The following RAB43 variants were observed in gnomAD, a reference collection of about 807,000 sequenced individuals.
The protein encoded by RAB43 is ras-related protein Rab-43.
Under a neutral mutation model 18.8 loss-of-function variants are expected in RAB43, and 6 were observed. The observed-to-expected ratio is 0.32, with a 90% CI of 0.17 to 0.63. The LOEUF is 0.63. RAB43 is among the 30% of genes least tolerant of loss of function. The pLI is 0.79. For missense variants in RAB43, 195 were observed against 289.1 expected (o/e 0.67, Z 2.36); for synonymous variants, 103 against 124.1 (o/e 0.83, Z 1.13).
In RAB43 at chr3:129,121,588, C is replaced by T. The variant is rs1055733878; in HGVS notation, c.-99G>A. 2.8e-4 allele frequency: 279 copies of T among 1,014,256 alleles called. No individual in the cohort carries two copies. Among genetic ancestry groups the T allele is most frequent in the Non-Finnish European group, 3.6e-4 (261 of 723,790 alleles). The allele number at this position is 1,014,256 out of a possible 1,614,324, so 62.8% of individuals were successfully genotyped here. ...GCTCCGCCCGCTCCAGCCCACGGGC[C>T]GCCTGGCTACGTGGAGCCGCCGCAA... On this transcript the variant is annotated 5_prime_UTR_variant, in exon 1 of 3. Transcript: ENST00000315150.
At chr3:129,118,988 T>A (rs190827090) in intron 1 of RAB43, among the ~76,000 whole-genome samples, 1 of 152,324 alleles carries the variant, frequency 6.6e-6, no homozygotes, top group Non-Finnish European at 1.5e-5. Flanking sequence ...TGAAAGGAAC[T>A]GACTACAGAA....
chr3:129,120,822 C>A lies in RAB43; in HGVS notation c.204+464G>T, dbSNP rs149563859. Among the ~76,000 whole-genome samples, 4 of 152,282 alleles carry A rather than the reference C, an allele frequency of 2.6e-5. No individual in the cohort carries two copies. The East Asian group carries it at 7.7e-4, about 29-fold the overall frequency. Reference sequence around the variant, plus strand: ...GTCCTAAAAGCAACTACTTCCTGATCGCTCCTAGTCCTGGGGTGGGGATGC... The same window carrying A: ...GTCCTAAAAGCAACTACTTCCTGATAGCTCCTAGTCCTGGGGTGGGGATGC... On this transcript the variant is annotated intron_variant, in intron 1 of 2. Coordinates refer to ENST00000315150, the MANE Select transcript of RAB43 (RefSeq NM_198490.3).
intron 1 of RAB43, among the ~76,000 whole-genome samples, chr3:129,109,130 G>A (rs937202466): frequency 3.2e-4 from 49 of 152,252 alleles, no homozygotes; most frequent in African/African-American, 1.1e-3. Flanking sequence ...GTGTCATTTG[G>A]CTGGGTGCGG....
chr3:129,121,028 T>C (rs899860939), intron 1 of RAB43, among the ~76,000 whole-genome samples: 1 of 147,704 alleles, frequency 6.8e-6, no homozygotes, highest in Non-Finnish European at 1.5e-5. Context: ...TCCTAGGGTG[T>C]GAGCTCCGGA....
rs1463255061 is a variant in RAB43, at chr3:129,088,207, CT to C, written c.*2888del. On this transcript the variant is annotated 3_prime_UTR_variant, in exon 3 of 3. Transcript: ENST00000315150. The stretch of plus-strand genomic sequence containing the variant: ...GTGGGATACAGCAGGGCAGGAGCCC[CT>C]GCAACCCCAGGTACAGGTCTTGAGT... 6.7e-6 allele frequency: 1 copy of C among 149,950 alleles called. No homozygotes were observed. Among genetic ancestry groups the C allele is most frequent in the African/African-American group, 2.4e-5 (1 of 40,836 alleles). 9.3% of individuals were successfully genotyped at this position (149,950 alleles called of 1,614,324 possible).
chr3:129,099,665 C>T (rs965922320), intron 1 of RAB43, among the ~76,000 whole-genome samples: 1 of 152,162 alleles, frequency 6.6e-6, no homozygotes, highest in Non-Finnish European at 1.5e-5. Context: ...GGATTACAGG[C>T]GTGAGCCACT....
intron 1 of RAB43, among the ~76,000 whole-genome samples, chr3:129,105,487 CAA>C (rs930128771): frequency 6.8e-6 from 1 of 147,880 alleles, no homozygotes; most frequent in Admixed American, 6.7e-5. Context: ...CAAAACAAAA[CAA>C]AAAAAACAGG....
intron 1 of RAB43, among the ~76,000 whole-genome samples, chr3:129,104,165 C>A (rs1934606262): frequency 6.6e-6 from 1 of 152,198 alleles, no homozygotes; most frequent in Admixed American, 6.5e-5. Flanking sequence ...GCTGAGCGAG[C>A]TGTACATTGT....
In RAB43 at chr3:129,091,086, C is replaced by T. The variant is rs780173718; in HGVS notation, c.*10G>A. 6.8e-6 allele frequency: 11 copies of T among 1,607,626 alleles called. No individual in the cohort carries two copies. Among genetic ancestry groups the T allele is most frequent in the Middle Eastern group, 2.1e-4 (1 of 4,686 alleles). ...GTGGGGAACCCCCAGTCTGCCGGCCCGGCCCCTGGTCAGCACCCGCAGCCC... is the reference window on the plus strand; with the variant it reads ...GTGGGGAACCCCCAGTCTGCCGGCCTGGCCCCTGGTCAGCACCCGCAGCCC... On this transcript the variant is annotated 3_prime_UTR_variant, in exon 3 of 3. Transcript: ENST00000315150.
intron 1 of RAB43, among the ~76,000 whole-genome samples, chr3:129,105,780 C>CAA (rs111242035): frequency 9.3e-4 from 83 of 89,704 alleles, no homozygotes; most frequent in African/African-American, 3.1e-3. Context: ...AACTCCATCT[C>CAA]AAAAAAAAAA....
At position 129,087,673 on chromosome 3, in the gene RAB43, T is replaced by C. The variant is rs945362194; in HGVS notation, c.*3423A>G. 2 of 151,800 alleles carry C rather than the reference T, an allele frequency of 1.3e-5. No homozygotes were observed. Among genetic ancestry groups the C allele is most frequent in the East Asian group, 1.9e-4 (1 of 5,188 alleles). The allele number at this position is 151,800 out of a possible 1,614,324, so 9.4% of individuals were successfully genotyped here. The stretch of plus-strand genomic sequence containing the variant: ...TCCATGTTTTAAAAAATAGATTTGG[T>C]ATAAAGATTTATATATTCATAAATA... On this transcript the variant is annotated 3_prime_UTR_variant, in exon 3 of 3. Transcript: ENST00000315150.
At chr3:129,104,669 C>T (rs1934638940) in intron 1 of RAB43, among the ~76,000 whole-genome samples, 1 of 152,248 alleles carries the variant, frequency 6.6e-6, no homozygotes, top group South Asian at 2.1e-4. Flanking sequence ...AGGGCTCAGT[C>T]CTGCCCATCG....
intron 1 of RAB43, among the ~76,000 whole-genome samples, chr3:129,105,597 T>C (rs910163497): frequency 6.6e-6 from 1 of 151,776 alleles, no homozygotes; most frequent in Admixed American, 6.6e-5. Context: ...CTGGCCAACA[T>C]AGTGAAACGC....
intron 1 of RAB43, among the ~76,000 whole-genome samples, chr3:129,099,167 C>T (rs921523716): frequency 4.0e-5 from 6 of 151,530 alleles, no homozygotes; most frequent in Admixed American, 1.3e-4. Flanking sequence ...TCTCGGCTCA[C>T]TGCAACCTCC....
Position 129,121,684 on chromosome 3 carries a change from C to G in RAB43, c.-195G>C. Reference sequence around the variant, plus strand: ...CCGCCCCACCCCGGCTGGCTCCCGCCCCGGCCCGGCTCGGCCCCGCCCGGA... The same window carrying G: ...CCGCCCCACCCCGGCTGGCTCCCGCGCCGGCCCGGCTCGGCCCCGCCCGGA... On this transcript the variant is annotated 5_prime_UTR_variant, in exon 1 of 3. Transcript: ENST00000315150. 1 of 383,556 alleles carries G rather than the reference C, an allele frequency of 2.6e-6. No homozygotes were observed. Among genetic ancestry groups the G allele is most frequent in the Non-Finnish European group, 4.5e-6 (1 of 222,292 alleles). 23.8% of individuals were successfully genotyped at this position (383,556 alleles called of 1,614,324 possible).
intron 1 of RAB43, among the ~76,000 whole-genome samples, chr3:129,111,143 T>A (rs1370061484): frequency 6.6e-6 from 1 of 152,032 alleles, no homozygotes; most frequent in Non-Finnish European, 1.5e-5. Flanking sequence ...CATTTCTCCC[T>A]CCGTGTGTTC....
intron 1 of RAB43, among the ~76,000 whole-genome samples, chr3:129,108,748 A>G (rs949785271): frequency 6.6e-6 from 1 of 152,178 alleles, no homozygotes; most frequent in Non-Finnish European, 1.5e-5. Flanking sequence ...GTGGCTCTTA[A>G]GCGATCAAGA....
chr3:129,109,950 G>C (rs749764417), intron 1 of RAB43, among the ~76,000 whole-genome samples: 1 of 151,130 alleles, frequency 6.6e-6, no homozygotes. Flanking sequence ...CTGCAGCCTC[G>C]ACCTCCTGGG....
In RAB43 at chr3:129,095,866, C is replaced by T. The variant is rs761471113; in HGVS notation, c.205-697G>A. Among the ~76,000 whole-genome samples, 1 of 152,156 alleles carries T rather than the reference C, an allele frequency of 6.6e-6. No individual in the cohort carries two copies. The highest frequency in any genetic ancestry group is 1.5e-5 in the Non-Finnish European group (1 of 68,020). On this transcript the variant is annotated intron_variant, in intron 1 of 2. Coordinates refer to ENST00000315150, the MANE Select transcript of RAB43 (RefSeq NM_198490.3). The surrounding 1 kb of genome is among the most constrained non-coding windows in gnomAD (Gnocchi z 4.2). ...GTGCCCATGGGTGGGAGGAGCTTCC[C>T]TAGTGTCTTTTAGAAGCAGAGTCTG...
Sources: gnomAD v4.1 joint callset for allele counts (sites outside exome capture counted in the v4.1 genomes callset) on GRCh38, gnomAD v4.1.1 for gene constraint, Gnocchi (gnomAD v3.1) non-coding constraint, MANE v1.5 for transcripts, NCBI Gene and HGNC (gene_info 2026-07-23, HGNC 2026-07-21) for gene names.